Variants in ADAMTS3 observed in about 807,000 individuals in gnomAD.
The protein encoded by ADAMTS3 is A disintegrin and metalloproteinase with thrombospondin motifs 3.
In ADAMTS3, 73 loss-of-function variants were observed where a neutral mutation model predicts 129.0. The ratio of observed to expected loss-of-function variants is 0.57; its 90% CI spans 0.47 to 0.69. The LOEUF (loss-of-function observed/expected upper bound fraction) is 0.69. ADAMTS3 is among the 30% of genes least tolerant of loss of function. ADAMTS3 has a pLI of 0.00. For missense variants in ADAMTS3, 1,457 were observed against 1,514.5 expected (o/e 0.96, Z 0.63); for synonymous variants, 477 against 510.8 (o/e 0.93, Z 0.89).
At chr4:72,418,399 A>G (rs1045346959) in intron 3 of ADAMTS3, among the ~76,000 whole-genome samples, 6 of 152,148 alleles carry the variant, frequency 3.9e-5, no homozygotes, top group Non-Finnish European at 8.8e-5. Context: ...AAGGGCTCAA[A>G]ACATCAGGTG....
intron 3 of ADAMTS3, among the ~76,000 whole-genome samples, chr4:72,453,061 C>T (rs923228148): frequency 6.6e-6 from 1 of 151,804 alleles, no homozygotes; most frequent in Non-Finnish European, 1.5e-5. Flanking sequence ...GAGAATCCTA[C>T]TATACTAGAA....
intron 4 of ADAMTS3, among the ~76,000 whole-genome samples, chr4:72,375,742 T>A (rs1335706355): frequency 1.3e-5 from 2 of 152,130 alleles, no homozygotes; most frequent in African/African-American, 2.4e-5. Context: ...GGGGGAGAAC[T>A]CTGAAATGTA....
At chr4:72,298,151 T>C (rs1369603439) in intron 18 of ADAMTS3, 126 bp downstream of exon 18, 2 of 683,158 alleles carry the variant, frequency 2.9e-6, no homozygotes, top group Non-Finnish European at 4.7e-6. Context: ...TTTGTATTGA[T>C]GTTTTGATGG....
At chr4:72,323,940 T>G (rs535305999) in intron 5 of ADAMTS3, among the ~76,000 whole-genome samples, 6 of 152,260 alleles carry the variant, frequency 3.9e-5, no homozygotes, top group Non-Finnish European at 7.4e-5. Flanking sequence ...CTGGCAGATA[T>G]GAATCTGAAG....
intron 4 of ADAMTS3, among the ~76,000 whole-genome samples, chr4:72,396,823 TCA>T (rs1721737534): frequency 6.6e-6 from 1 of 152,230 alleles, no homozygotes; most frequent in African/African-American, 2.4e-5. Context: ...AATCTTATAC[TCA>T]GAGATTAGGT....
rs113415714 is a variant in ADAMTS3, at chr4:72,357,807, G to A, written c.662-18114C>T. 1.3e-4 allele frequency among the ~76,000 whole-genome samples: 20 copies of A among 151,880 alleles called. 2 individuals carry two copies. The highest frequency in any genetic ancestry group is 3.4e-3 in the Middle Eastern group (1 of 294). On this transcript the variant is annotated intron_variant, in intron 4 of 21. Transcript: ENST00000286657. ...GAAATTTTACTGTAGGAATACTATC[G>A]ATCAAGAAAAAGTTACCAAAAATCC...
At chr4:72,299,916 G>A (rs1451925426) in intron 17 of ADAMTS3, among the ~76,000 whole-genome samples, 2 of 151,870 alleles carry the variant, frequency 1.3e-5, no homozygotes. Context: ...TTTGTTCAGG[G>A]CAAAGCTGCC....
chr4:72,516,483 C>G (rs1720484008), intron 3 of ADAMTS3, among the ~76,000 whole-genome samples: 1 of 152,082 alleles, frequency 6.6e-6, no homozygotes, highest in Non-Finnish European at 1.5e-5. Context: ...GAATGTTCTT[C>G]CATTTGTCTG....
At chr4:72,325,520 C>T (rs911847713) in intron 5 of ADAMTS3, among the ~76,000 whole-genome samples, 2 of 152,178 alleles carry the variant, frequency 1.3e-5, no homozygotes, top group African/African-American at 2.4e-5. Context: ...AAATTAGAAA[C>T]ATGGCTTTGC....
chr4:72,303,894 C>G (rs1376977687), intron 17 of ADAMTS3, 23 bp downstream of exon 17: 3 of 1,611,028 alleles, frequency 1.9e-6, no homozygotes, highest in Non-Finnish European at 2.5e-6. Context: ...CTAACTATAC[C>G]ATGAGCCCAT....
Position 72,384,891 on chromosome 4 carries a change from G to A in ADAMTS3, c.661+29924C>T, listed in dbSNP as rs979591103. Among the ~76,000 whole-genome samples, 10 of 152,242 alleles carry A rather than the reference G, an allele frequency of 6.6e-5. No individual in the cohort carries two copies. The South Asian group carries it at 8.3e-4, about 13-fold the overall frequency. On this transcript the variant is annotated intron_variant, in intron 4 of 21. Transcript: ENST00000286657. The stretch of plus-strand genomic sequence containing the variant: ...CTATAGCATAAAGAAAACTGGGGCC[G>A]GGTGTGGTGGCTCACGCCTGTAATC...
chr4:72,326,007 G>T (rs551696828), intron 5 of ADAMTS3, among the ~76,000 whole-genome samples: 2 of 152,032 alleles, frequency 1.3e-5, no homozygotes, highest in African/African-American at 2.4e-5. Flanking sequence ...ATGAATAAAA[G>T]AGCATTTTTA....
chr4:72,366,203 C>G (rs1484743952), intron 4 of ADAMTS3, among the ~76,000 whole-genome samples: 1 of 152,184 alleles, frequency 6.6e-6, no homozygotes, highest in African/African-American at 2.4e-5. Flanking sequence ...TCTTGGCTCT[C>G]TATTCTTCCA....
intron 3 of ADAMTS3, among the ~76,000 whole-genome samples, chr4:72,482,185 A>G (rs774725252): frequency 1.8e-4 from 28 of 152,114 alleles, no homozygotes; most frequent in Non-Finnish European, 2.8e-4. Context: ...GGTTATGTTC[A>G]TTTAAAAAAA....
In ADAMTS3 at chr4:72,383,639, G is replaced by C. The variant is rs62318840; in HGVS notation, c.661+31176C>G. On this transcript the variant is annotated intron_variant, in intron 4 of 21. Transcript: ENST00000286657. ...CAGCTAAGGCTAAAAGGAATGCAGAGGGGTTACAGTTTACAATCTGATACC... is the reference window on the plus strand; with the variant it reads ...CAGCTAAGGCTAAAAGGAATGCAGACGGGTTACAGTTTACAATCTGATACC... Among the ~76,000 whole-genome samples, 221 of 152,280 alleles carry C rather than the reference G, an allele frequency of 1.5e-3. No individual in the cohort carries two copies. In the Middle Eastern group the frequency reaches 0.017, roughly 12 times the overall value.
intron 20 of ADAMTS3, among the ~76,000 whole-genome samples, chr4:72,290,153 C>T (rs1317074903): frequency 6.6e-6 from 1 of 152,152 alleles, no homozygotes; most frequent in Non-Finnish European, 1.5e-5. Flanking sequence ...ATCATCTGGA[C>T]AGGTATGCTA....
intron 4 of ADAMTS3, among the ~76,000 whole-genome samples, chr4:72,398,678 A>G (rs1006666457): frequency 2.0e-5 from 3 of 152,348 alleles, no homozygotes; most frequent in East Asian, 3.9e-4. Flanking sequence ...CACTTTTATC[A>G]TCTTGAAGAC....
At chr4:72,568,607 G>A (rs867550458) in intron 1 of ADAMTS3, 87 bp downstream of exon 1, 2 of 996,072 alleles carry the variant, frequency 2.0e-6, no homozygotes, top group Admixed American at 4.2e-5. Flanking sequence ...AGGAGAAGGA[G>A]GAAAGAGAGG....
intron 19 of ADAMTS3, among the ~76,000 whole-genome samples, chr4:72,294,242 A>G (rs1398613582): frequency 1.3e-5 from 2 of 152,112 alleles, no homozygotes; most frequent in Non-Finnish European, 2.9e-5. Flanking sequence ...TGTGGAATCT[A>G]TAAAAGTGGA....
Sources: gnomAD v4.1 joint callset for allele counts (sites outside exome capture counted in the v4.1 genomes callset) on GRCh38, gnomAD v4.1.1 for gene constraint, MANE v1.5 for transcripts, NCBI Gene and HGNC (gene_info 2026-07-23, HGNC 2026-07-21) for gene names.